The following TRAPPC3L variants were observed in gnomAD, a reference collection of about 807,000 sequenced individuals.
TRAPPC3L encodes trafficking protein particle complex subunit 3L.
A neutral mutation model predicts 23.7 loss-of-function variants in TRAPPC3L; 23 were observed. The observed-to-expected ratio is 0.97, with a 90% confidence interval of 0.70 to 1.37. TRAPPC3L has a LOEUF of 1.37. TRAPPC3L is among the 40% of genes most tolerant of loss of function. The pLI, the probability that TRAPPC3L is intolerant of heterozygous loss-of-function variation, is 0.00. For missense variants in TRAPPC3L, 212 were observed against 216.8 expected (o/e 0.98, Z 0.14); for synonymous variants, 81 against 77.9 (o/e 1.04, Z -0.21).
chr6:116,530,655 T>C (rs554563744), intron 3 of TRAPPC3L, among the ~76,000 whole-genome samples: 1 of 152,222 alleles, frequency 6.6e-6, no homozygotes, highest in East Asian at 1.9e-4. Context: ...ATTAACAATG[T>C]GGTTTCACTT....
chr6:116,504,343 T>A (rs1449182193), intron 3 of TRAPPC3L, among the ~76,000 whole-genome samples: 1 of 152,150 alleles, frequency 6.6e-6, no homozygotes, highest in Non-Finnish European at 1.5e-5. Flanking sequence ...AGCAGTTGAA[T>A]CTCTGAATAG....
At position 116,496,931 on chromosome 6, in the gene TRAPPC3L, CG is replaced by C; in HGVS notation, c.*22del. The C allele has an allele frequency of 6.5e-7, 1 of 1,534,724 alleles. No homozygotes were observed. Among genetic ancestry groups the C allele is most frequent in the South Asian group, 1.2e-5 (1 of 80,472 alleles). On this transcript the variant is annotated 3_prime_UTR_variant, in exon 5 of 5. Coordinates refer to ENST00000368602, the MANE Select transcript of TRAPPC3L (RefSeq NM_001139444.3). The stretch of plus-strand genomic sequence containing the variant: ...CTAACATTAACTCAGCTAGCCGCCC[CG>C]TGGCATTTTCCGTGCTAGTCTTCAT...
rs1771961996 is a variant in TRAPPC3L at position 116,503,947 on chromosome 6, A to AAAGGTGTTAGGTGT, written c.241-3282_241-3281insACACCTAACACCTT. Among the ~76,000 whole-genome samples the AAAGGTGTTAGGTGT allele has an allele frequency of 4.6e-5, 7 of 152,330 alleles. No individual in the cohort carries two copies. The South Asian group carries it at 1.5e-3, about 32-fold the overall frequency. On this transcript the variant is annotated intron_variant, in intron 3 of 4. Coordinates refer to ENST00000368602, the MANE Select transcript of TRAPPC3L (RefSeq NM_001139444.3). ...AAAGATCTAAAATTAACACCCTAAC[A>AAAGGTGTTAGGTGT]TCACAATTCAAAGAACTAGAGAAGC...
Position 116,499,328 on chromosome 6 carries a change from C to T in TRAPPC3L, c.426+1153G>A, listed in dbSNP as rs1771878387. Among the ~76,000 whole-genome samples the T allele has an allele frequency of 2.0e-5, 3 of 152,280 alleles. No individual in the cohort carries two copies. In the South Asian group the frequency reaches 6.2e-4, roughly 32 times the overall value. ...TTGTTCTCGTTTTACCTGAGGTTAC[C>T]ATCATAACTTCCAAAGTGCCCTAAT... On this transcript the variant is annotated intron_variant, in intron 4 of 4. Transcript: ENST00000368602.
chr6:116,517,378 T>A (rs2115170310), intron 3 of TRAPPC3L: 1 of 152,344 alleles, frequency 6.6e-6, no homozygotes, highest in East Asian at 1.9e-4. Context: ...TATATCCATG[T>A]TAGTATGTAC....
At chr6:116,544,059 A>G (rs1286736124) in intron 1 of TRAPPC3L, among the ~76,000 whole-genome samples, 1 of 151,822 alleles carries the variant, frequency 6.6e-6, no homozygotes, top group East Asian at 1.9e-4. Context: ...TAAATTATCA[A>G]TGAAAAGTCT....
At chr6:116,535,765 C>G (rs1000403625) in intron 3 of TRAPPC3L, among the ~76,000 whole-genome samples, 2 of 152,096 alleles carry the variant, frequency 1.3e-5, no homozygotes, top group Non-Finnish European at 2.9e-5. Context: ...TTTCTCAGAA[C>G]AGTTACCATA....
At chr6:116,540,234 A>G in intron 3 of TRAPPC3L, 129 bp downstream of exon 3, 1 of 837,416 alleles carries the variant, frequency 1.2e-6, no homozygotes, top group South Asian at 1.8e-5. Flanking sequence ...CTTTTCAATC[A>G]GAATCTCCTT....
At chr6:116,532,366 A>C (rs1252049734) in intron 3 of TRAPPC3L, among the ~76,000 whole-genome samples, 2 of 152,056 alleles carry the variant, frequency 1.3e-5, no homozygotes, top group Non-Finnish European at 1.5e-5. Context: ...CCTCCCTGAG[A>C]GAGGGAATTA....
At chr6:116,506,357 G>A (rs1373440262) in intron 3 of TRAPPC3L, among the ~76,000 whole-genome samples, 1 of 152,156 alleles carries the variant, frequency 6.6e-6, no homozygotes, top group Non-Finnish European at 1.5e-5. Context: ...CAAAAAGTCA[G>A]GAAACAACAG....
intron 3 of TRAPPC3L, chr6:116,522,446 A>G (rs1772363181): frequency 6.6e-6 from 1 of 152,250 alleles, no homozygotes; most frequent in Admixed American, 6.5e-5. Context: ...TTGTATTTAT[A>G]CATTTATACA....
At chr6:116,514,558 G>A (rs904780493) in intron 3 of TRAPPC3L, among the ~76,000 whole-genome samples, 11 of 152,286 alleles carry the variant, frequency 7.2e-5, no homozygotes, top group African/African-American at 2.6e-4. Flanking sequence ...TTCAAGGTGA[G>A]TAACCCTCGT....
At chr6:116,499,766 A>G (rs899127622) in intron 4 of TRAPPC3L, among the ~76,000 whole-genome samples, 8 of 152,196 alleles carry the variant, frequency 5.3e-5, no homozygotes, top group African/African-American at 1.9e-4. Context: ...GAGTTTCCTT[A>G]GGAAGTCTAC....
intron 3 of TRAPPC3L, among the ~76,000 whole-genome samples, chr6:116,529,985 A>G (rs1209663319): frequency 6.6e-6 from 1 of 152,224 alleles, no homozygotes; most frequent in East Asian, 1.9e-4. Context: ...AGGACAGGAA[A>G]AAAAATGCCT....
chr6:116,523,805 A>C (rs1448893449), intron 3 of TRAPPC3L: 1 of 152,204 alleles, frequency 6.6e-6, no homozygotes, highest in Non-Finnish European at 1.5e-5. Context: ...TTAGCACCAC[A>C]AAAAAACAAC....
chr6:116,501,540 C>T (rs543381378), intron 3 of TRAPPC3L, among the ~76,000 whole-genome samples: 3 of 152,280 alleles, frequency 2.0e-5, no homozygotes, highest in South Asian at 2.1e-4. Flanking sequence ...GTTTGAGCTC[C>T]GATAACAGAC....
chr6:116,502,958 T>C (rs1583265177), intron 3 of TRAPPC3L, among the ~76,000 whole-genome samples: 1 of 152,160 alleles, frequency 6.6e-6, no homozygotes, highest in South Asian at 2.1e-4. Context: ...ATGAAGAAAC[T>C]GCATCAACTA....
intron 3 of TRAPPC3L, chr6:116,520,244 C>T (rs1431081929): frequency 3.9e-5 from 6 of 152,274 alleles, no homozygotes; most frequent in Non-Finnish European, 4.4e-5. Flanking sequence ...CAGAAAACTG[C>T]TACCGCTTCT....
chr6:116,518,185 G>A (rs1337559838), intron 3 of TRAPPC3L: 2 of 152,216 alleles, frequency 1.3e-5, no homozygotes, highest in Non-Finnish European at 2.9e-5. Context: ...GAAGATGTGA[G>A]TAACTTTGGA....
Sources: gnomAD v4.1 joint callset for allele counts (sites outside exome capture counted in the v4.1 genomes callset) on GRCh38, gnomAD v4.1.1 for gene constraint, MANE v1.5 for transcripts, NCBI Gene and HGNC (gene_info 2026-07-23, HGNC 2026-07-21) for gene names.